The following PDE3A variants were observed in gnomAD, a reference collection of about 807,000 sequenced individuals.
The protein encoded by PDE3A is cGMP-inhibited 3',5'-cyclic phosphodiesterase 3A.
Under a neutral mutation model 98.3 loss-of-function variants are expected in PDE3A, and 43 were observed. The ratio of observed to expected loss-of-function variants is 0.44; its 90% CI spans 0.34 to 0.56. The LOEUF (loss-of-function observed/expected upper bound fraction) is 0.56, where lower values mean the gene tolerates loss of function less well. PDE3A is among the 20% of genes least tolerant of loss of function. The pLI is 0.01. For synonymous variants in PDE3A, 663 were observed against 567.9 expected (o/e 1.17, Z -2.38); for missense variants, 1,427 against 1,440.7 (o/e 0.99, Z 0.15).
chr12:20,645,212 T>A (rs1192411229), intron 10 of PDE3A, among the ~76,000 whole-genome samples: 1 of 152,106 alleles, frequency 6.6e-6, no homozygotes, highest in African/African-American at 2.4e-5. Flanking sequence ...TTTAAGCTCT[T>A]CTGATGAGAT....
chr12:20,549,652 C>A (rs1592046256), intron 1 of PDE3A, among the ~76,000 whole-genome samples: 1 of 151,872 alleles, frequency 6.6e-6, no homozygotes, highest in Non-Finnish European at 1.5e-5. Context: ...TTTTTTATTA[C>A]TTTGAAAAAA....
chr12:20,432,184 TTAGA>T (rs1241992378), intron 1 of PDE3A, among the ~76,000 whole-genome samples: 17 of 152,318 alleles, frequency 1.1e-4, no homozygotes, highest in African/African-American at 3.4e-4. Context: ...TACCAGATAC[TTAGA>T]TACTCTTTTC....
chr12:20,637,289 T>C (rs1270806104), intron 9 of PDE3A, 52 bp downstream of exon 9: 2 of 1,402,428 alleles, frequency 1.4e-6, no homozygotes, highest in African/African-American at 1.4e-5. Flanking sequence ...AACAGTTCCT[T>C]TGTTGCTTAA....
At chr12:20,584,258 T>C (rs762016829) in intron 2 of PDE3A, among the ~76,000 whole-genome samples, 7 of 152,196 alleles carry the variant, frequency 4.6e-5, no homozygotes, top group Admixed American at 6.5e-5. Flanking sequence ...GATGAAACTT[T>C]GTCAACTCAA....
At chr12:20,619,796 A>T (rs1478106587) in intron 4 of PDE3A, among the ~76,000 whole-genome samples, 1 of 152,132 alleles carries the variant, frequency 6.6e-6, no homozygotes, top group Non-Finnish European at 1.5e-5. Context: ...ATTAGAAGTA[A>T]GGAGAAAAGA....
At chr12:20,455,911 A>C (rs141255071) in intron 1 of PDE3A, among the ~76,000 whole-genome samples, 2 of 152,276 alleles carry the variant, frequency 1.3e-5, no homozygotes, top group East Asian at 3.9e-4. Context: ...GCTTTCCTGC[A>C]TCAAAGCGTT....
intron 1 of PDE3A, among the ~76,000 whole-genome samples, chr12:20,462,921 AC>A (rs1413591714): frequency 2.0e-5 from 3 of 151,744 alleles, no homozygotes; most frequent in African/African-American, 7.3e-5. Context: ...TCCTGAGTAT[AC>A]CACCATGCCA....
At chr12:20,615,907 G>A (rs1385676251) in intron 3 of PDE3A, among the ~76,000 whole-genome samples, 1 of 151,932 alleles carries the variant, frequency 6.6e-6, no homozygotes. Context: ...TGTATTTTTG[G>A]TAGACGGGGT....
chr12:20,369,579 G>A lies in PDE3A; in HGVS notation c.295G>A (p.Glu99Lys), dbSNP rs764221986. 1.5e-5 allele frequency: 24 copies of A among 1,555,824 alleles called. No homozygotes were observed. Among genetic ancestry groups the A allele is most frequent in the East Asian group, 2.4e-5 (1 of 42,054 alleles). The change falls in exon 1 of 16, where the codon GAG (glutamate) becomes AAG (lysine). Residue 99 changes from glutamate (E) to lysine (K), a missense_variant. Physicochemically the swap from Glu to Lys is moderately conservative, Grantham distance 56. Transcript: ENST00000359062. ...GCAGTGTAAGGAGGCGGCGGCGGCG[G>A]AGGAGGAGGAAGCAGCCCCGGGAGC... ...LEQCKEAAAA[E>K]EEEAAPGAEG...
intron 1 of PDE3A, among the ~76,000 whole-genome samples, chr12:20,421,477 A>G (rs1200645689): frequency 6.6e-6 from 1 of 152,096 alleles, no homozygotes; most frequent in Non-Finnish European, 1.5e-5. Flanking sequence ...CAGCGAAGTT[A>G]ATCTGTAGAA....
chr12:20,600,233 A>G (rs758054342), intron 2 of PDE3A, among the ~76,000 whole-genome samples: 2 of 152,180 alleles, frequency 1.3e-5, no homozygotes, highest in Non-Finnish European at 2.9e-5. Flanking sequence ...CTCTCCTAAT[A>G]TGCCACTGGA....
chr12:20,669,708 A>T (rs12811285), intron 15 of PDE3A, among the ~76,000 whole-genome samples: 4 of 152,196 alleles, frequency 2.6e-5, no homozygotes, highest in African/African-American at 4.8e-5. Context: ...AGCACTAAAC[A>T]TGGAAAGGAA....
rs1482325234 is a variant in PDE3A, at chr12:20,686,944, C to T, written c.*6673C>T. Among the ~76,000 whole-genome samples, 2 of 152,100 alleles carry T rather than the reference C, an allele frequency of 1.3e-5. No homozygotes were observed. The highest frequency in any genetic ancestry group is 1.9e-4 in the East Asian group (1 of 5,190). ...TCTTTAATACAAACCAATTTAGTTA[C>T]TCTGGAGTGAAATGACTTGTGGATA... On this transcript the variant is annotated 3_prime_UTR_variant, in exon 16 of 16. Coordinates refer to ENST00000359062, the MANE Select transcript of PDE3A (RefSeq NM_000921.5).
intron 10 of PDE3A, among the ~76,000 whole-genome samples, chr12:20,643,464 C>A (rs1944692670): frequency 6.6e-6 from 1 of 152,144 alleles, no homozygotes; most frequent in South Asian, 2.1e-4. Context: ...TGAGTACATG[C>A]TAAGTGAATA....
At chr12:20,502,327 A>C (rs2121086994) in intron 1 of PDE3A, among the ~76,000 whole-genome samples, 1 of 152,320 alleles carries the variant, frequency 6.6e-6, no homozygotes, top group African/African-American at 2.4e-5. Flanking sequence ...AGAAAAGTAT[A>C]TTTAGTCAAA....
Position 20,589,877 on chromosome 12 carries a change from A to G in PDE3A, c.1012-23566A>G, listed in dbSNP as rs979360658. On this transcript the variant is annotated intron_variant, in intron 2 of 15. Coordinates refer to ENST00000359062, the MANE Select transcript of PDE3A (RefSeq NM_000921.5). ...GAGCAAGACTGCATCTTAAAAAAAA[A>G]AAAAAAAAAAAAGAAAAAAAATTAG... 4.0e-5 allele frequency among the ~76,000 whole-genome samples: 6 copies of G among 151,140 alleles called. No individual in the cohort carries two copies. In the East Asian group the frequency reaches 1.0e-3, roughly 26 times the overall value.
chr12:20,436,028 G>T (rs1270523708), intron 1 of PDE3A, among the ~76,000 whole-genome samples: 1 of 152,082 alleles, frequency 6.6e-6, no homozygotes, highest in Admixed American at 6.6e-5. Context: ...GGTAAAGGTG[G>T]AATTGATCCT....
chr12:20,567,357 CTTTTGT>C (rs984933643), intron 2 of PDE3A, among the ~76,000 whole-genome samples: 2 of 151,850 alleles, frequency 1.3e-5, no homozygotes, highest in Admixed American at 1.3e-4. Context: ...GCCAAGAAGC[CTTTTGT>C]TTTATTTATG....
intron 1 of PDE3A, among the ~76,000 whole-genome samples, chr12:20,381,763 G>A (rs1943667596): frequency 6.6e-6 from 1 of 151,870 alleles, no homozygotes; most frequent in South Asian, 2.1e-4. Flanking sequence ...GATTAAAAAT[G>A]TCGGCAAGTA....
Sources: gnomAD v4.1 joint callset for allele counts (sites outside exome capture counted in the v4.1 genomes callset) on GRCh38, gnomAD v4.1.1 for gene constraint, MANE v1.5 for transcripts, NCBI Gene and HGNC (gene_info 2026-07-23, HGNC 2026-07-21) for gene names.